Variants in NECTIN1 observed in about 807,000 individuals in gnomAD.
The protein encoded by NECTIN1 is nectin-1.
A neutral mutation model predicts 48.0 loss-of-function variants in NECTIN1; 23 were observed. The ratio of observed to expected loss-of-function variants is 0.48; its 90% CI spans 0.34 to 0.68. NECTIN1 has a LOEUF of 0.68. Ranked by LOEUF, NECTIN1 falls within the 30% of genes least tolerant of loss-of-function variation. The probability of loss-of-function intolerance (pLI) is 0.01; values close to 1 mark genes in which losing one functional copy is unlikely to be tolerated. For synonymous variants in NECTIN1, 270 were observed against 288.9 expected (o/e 0.93, Z 0.66); for missense variants, 591 against 709.9 (o/e 0.83, Z 1.90).
intron 1 of NECTIN1, among the ~76,000 whole-genome samples, chr11:119,724,413 G>C (rs562338137): frequency 6.6e-6 from 1 of 152,288 alleles, no homozygotes; most frequent in Admixed American, 6.5e-5. Context: ...CCTGCGAGCA[G>C]GCAGAGGCCC....
chr11:119,695,504 C>T (rs1461916854), intron 1 of NECTIN1, among the ~76,000 whole-genome samples: 1 of 152,206 alleles, frequency 6.6e-6, no homozygotes, highest in African/African-American at 2.4e-5. Context: ...CAGCACACAG[C>T]CTGACACCCG....
chr11:119,668,292 C>T (rs1864808764), intron 5 of NECTIN1, among the ~76,000 whole-genome samples: 1 of 152,194 alleles, frequency 6.6e-6, no homozygotes, highest in Non-Finnish European at 1.5e-5. Context: ...TCCTAAATCT[C>T]CCACTTTCCT....
At position 119,677,112 on chromosome 11, in the gene NECTIN1, G is replaced by A; in HGVS notation, c.841C>T (p.His281Tyr). ...CCCTGCAGCACTTACGTGGTCCAGTGGTACTCAGTGGCTGGGGGGTTAGCA... is the reference window on the plus strand; with the variant it reads ...CCCTGCAGCACTTACGTGGTCCAGTAGTACTCAGTGGCTGGGGGGTTAGCA... Reference protein sequence around the residue: ...ADANPPATEYHWTTLNGSLPK... With the variant: ...ADANPPATEYYWTTLNGSLPK... Residue 281 changes from histidine to tyrosine, a missense_variant, in exon 4 of 6, where the codon CAC becomes TAC. By Grantham distance (83) the His-to-Tyr change is moderately conservative. Coordinates refer to ENST00000264025, the MANE Select transcript of NECTIN1 (RefSeq NM_002855.5). The surrounding 1 kb of genome is among the most constrained non-coding windows in gnomAD (Gnocchi z 5.4). 1.2e-6 allele frequency: 2 copies of A among 1,613,874 alleles called. No individual in the cohort carries two copies. The highest frequency in any genetic ancestry group is 1.1e-5 in the South Asian group (1 of 91,074).
downstream of NECTIN1, among the ~76,000 whole-genome samples, chr11:119,657,125 G>A (rs1017829210): frequency 1.3e-5 from 2 of 152,174 alleles, no homozygotes; most frequent in African/African-American, 4.8e-5. Flanking sequence ...ATATGAAAGT[G>A]ATGGATGACA....
rs1389763567 is a variant in NECTIN1 at position 119,672,092 on chromosome 11, G to A, written c.1003+3067C>T. Among the ~76,000 whole-genome samples, 1 of 152,256 alleles carries A rather than the reference G, an allele frequency of 6.6e-6. No individual in the cohort carries two copies. Among genetic ancestry groups the A allele is most frequent in the Non-Finnish European group, 1.5e-5 (1 of 68,050 alleles). Reference sequence around the variant, plus strand: ...CAATTCTGGGTCTGAAGAACTCCAGGACTGATGGGCAGACTGTGACCCTCA... The same window carrying A: ...CAATTCTGGGTCTGAAGAACTCCAGAACTGATGGGCAGACTGTGACCCTCA... On this transcript the variant is annotated intron_variant, in intron 5 of 5. Transcript: ENST00000264025. This position sits in a 1 kb window ranked among gnomAD's most constrained non-coding sequence, Gnocchi z 4.3.
chr11:119,648,063 CAAAAAAAAAA>C lies in NECTIN1; in HGVS notation c.1004-8061_1004-8052del, dbSNP rs55695982. ...TGGGTGACAGAGTGAGACACCGTCTCAAAAAAAAAAAAAAAAAAAAAAAAAAAGGGAGGAC... is the reference window on the plus strand; with the variant it reads ...TGGGTGACAGAGTGAGACACCGTCTCAAAAAAAAAAAAAAAAAGGGAGGAC... On this transcript the variant is annotated intron_variant, in intron 5 of 7. Transcript: ENST00000341398. Among the ~76,000 whole-genome samples, 281 of 43,092 alleles carry C rather than the reference CAAAAAAAAAA, an allele frequency of 6.5e-3. 3 individuals are homozygous for C. Among genetic ancestry groups the C allele is most frequent in the African/African-American group, 0.021 (248 of 11,856 alleles). The allele number at this position is 43,092 out of a possible 152,430, so 28.3% of individuals were successfully genotyped here.
chr11:119,651,348 T>C (rs1389165717), intron 5 of NECTIN1, among the ~76,000 whole-genome samples: 1 of 152,092 alleles, frequency 6.6e-6, no homozygotes, highest in East Asian at 1.9e-4. Context: ...ATGGTTTTCA[T>C]TGATCAAGCC....
chr11:119,712,800 TG>T (rs1239714264), intron 1 of NECTIN1: 3 of 152,246 alleles, frequency 2.0e-5, no homozygotes, highest in Non-Finnish European at 4.4e-5. Context: ...CTGCCAGTCC[TG>T]GAGTCTCCTG....
intron 1 of NECTIN1, among the ~76,000 whole-genome samples, chr11:119,688,124 A>C (rs1375538661): frequency 6.6e-6 from 1 of 152,140 alleles, no homozygotes. Context: ...GACTTCGAGA[A>C]AGGTGCATTA....
intron 5 of NECTIN1, among the ~76,000 whole-genome samples, chr11:119,669,961 A>AT (rs1565384688): frequency 0.012 from 1,677 of 141,992 alleles, 27 homozygotes; most frequent in African/African-American, 0.044. Context: ...CAAAATTACT[A>AT]CTTTTTTTTT....
intron 1 of NECTIN1, chr11:119,713,607 G>A (rs1865695304): frequency 1.5e-5 from 4 of 268,006 alleles, no homozygotes; most frequent in South Asian, 1.2e-4. Context: ...AGGTGCTCTG[G>A]TGGCTGCTAC....
At chr11:119,691,625 A>C (rs1243663543) in intron 1 of NECTIN1, among the ~76,000 whole-genome samples, 1 of 152,216 alleles carries the variant, frequency 6.6e-6, no homozygotes, top group African/African-American at 2.4e-5. Context: ...GTGGGAAGGC[A>C]GAGGCTTCCT....
Position 119,677,523 on chromosome 11 carries a change from C to A in NECTIN1, c.733+32G>T. The A allele has an allele frequency of 6.2e-7, 1 of 1,611,092 alleles. No homozygotes were observed. The highest frequency in any genetic ancestry group is 8.5e-7 in the Non-Finnish European group (1 of 1,178,992). ...GGGAGGAGGGACAGTGGCGCCCACCCCAGGAGGCCCCTGGCAGCCAGCCCT... is the reference window on the plus strand; with the variant it reads ...GGGAGGAGGGACAGTGGCGCCCACCACAGGAGGCCCCTGGCAGCCAGCCCT... On this transcript the variant is annotated intron_variant, in intron 3 of 5. Coordinates refer to ENST00000264025, the MANE Select transcript of NECTIN1 (RefSeq NM_002855.5). This position sits in a 1 kb window ranked among gnomAD's most constrained non-coding sequence, Gnocchi z 5.4.
chr11:119,646,728 C>A (rs1410837927), intron 5 of NECTIN1, among the ~76,000 whole-genome samples: 5 of 152,164 alleles, frequency 3.3e-5, no homozygotes, highest in Non-Finnish European at 7.3e-5. Context: ...TTTCATGCCC[C>A]CCACTGCCTC....
At chr11:119,686,772 C>T (rs974418497) in intron 1 of NECTIN1, among the ~76,000 whole-genome samples, 5 of 152,200 alleles carry the variant, frequency 3.3e-5, no homozygotes, top group Admixed American at 1.3e-4. Flanking sequence ...GGAGGCTTCC[C>T]GGAGCCCTCC....
intron 1 of NECTIN1, among the ~76,000 whole-genome samples, chr11:119,682,454 AC>A (rs2135555497): frequency 6.6e-6 from 1 of 152,210 alleles, no homozygotes; most frequent in African/African-American, 2.4e-5. Flanking sequence ...AGCGTCTCCC[AC>A]CTTCTGAAGG....
intron 5 of NECTIN1, among the ~76,000 whole-genome samples, chr11:119,646,881 C>A (rs752326336): frequency 6.6e-6 from 1 of 152,202 alleles, no homozygotes; most frequent in South Asian, 2.1e-4. Flanking sequence ...GGACTGTTGT[C>A]GGCCATGAGT....
chr11:119,641,816 G>C (rs1410920413), intron 5 of NECTIN1: 1 of 151,552 alleles, frequency 6.6e-6, no homozygotes, highest in Non-Finnish European at 1.5e-5. Context: ...TCTGCCTCCC[G>C]GGTTCATGCC....
At chr11:119,701,144 T>A (rs757415709) in intron 1 of NECTIN1, among the ~76,000 whole-genome samples, 47 of 152,206 alleles carry the variant, frequency 3.1e-4, no homozygotes, top group Non-Finnish European at 5.9e-4. Context: ...GTAACGTATG[T>A]AACTGCTCTG....
Sources: gnomAD v4.1 joint callset for allele counts (sites outside exome capture counted in the v4.1 genomes callset) on GRCh38, gnomAD v4.1.1 for gene constraint, Gnocchi (gnomAD v3.1) non-coding constraint, MANE v1.5 for transcripts, NCBI Gene and HGNC (gene_info 2026-07-23, HGNC 2026-07-21) for gene names.